The following TMCO5A variants were observed in gnomAD, a reference collection of about 807,000 sequenced individuals.
The protein encoded by TMCO5A is transmembrane and coiled-coil domain-containing protein 5A.
Under a neutral mutation model 42.3 loss-of-function variants are expected in TMCO5A, and 34 were observed. The observed-to-expected ratio is 0.80, with a 90% CI of 0.61 to 1.07. The LOEUF is 1.07. Ranked by LOEUF, TMCO5A falls within the 50% of genes least tolerant of loss-of-function variation. TMCO5A has a pLI of 0.00. For missense variants in TMCO5A, 357 were observed against 327.9 expected (o/e 1.09, Z -0.69); for synonymous variants, 131 against 115.6 (o/e 1.13, Z -0.86).
At chr15:37,955,131 CCAAT>C (rs1164004317), downstream of TMCO5A, among the ~76,000 whole-genome samples, 2 of 151,718 alleles carry the variant, frequency 1.3e-5, no homozygotes, top group Non-Finnish European at 2.9e-5. Context: ...ACTAAACTCT[CCAAT>C]CAAAGGACAT....
chr15:37,960,561 G>A (rs1890398089), intron 11 of TMCO5A, among the ~76,000 whole-genome samples: 1 of 152,086 alleles, frequency 6.6e-6, no homozygotes. Context: ...TGGAATTGCT[G>A]GATCAAATGG....
chr15:38,001,161 T>A, the TMCO5A span, among the ~76,000 whole-genome samples: 1 of 152,074 alleles, frequency 6.6e-6, no homozygotes, highest in Admixed American at 6.5e-5. Context: ...TAATATTTGT[T>A]ATATATATCT....
At chr15:38,026,192 G>A in the TMCO5A span, among the ~76,000 whole-genome samples, 1 of 152,140 alleles carries the variant, frequency 6.6e-6, no homozygotes, top group Non-Finnish European at 1.5e-5. Flanking sequence ...GAAGAAGAAA[G>A]GAAAACGTGG....
chr15:37,957,540 G>A (rs1890321684), intron 11 of TMCO5A, among the ~76,000 whole-genome samples: 1 of 152,154 alleles, frequency 6.6e-6, no homozygotes, highest in South Asian at 2.1e-4. Flanking sequence ...CAAGGGATGT[G>A]AAGGAACTCT....
the TMCO5A span, among the ~76,000 whole-genome samples, chr15:38,001,456 G>C: frequency 7.0e-6 from 1 of 143,254 alleles, no homozygotes; most frequent in African/African-American, 2.6e-5. Context: ...TTTTTTTAAC[G>C]AATTAGCCAC....
At chr15:37,937,921 G>A (rs747608836) in intron 5 of TMCO5A, among the ~76,000 whole-genome samples, 8 of 152,002 alleles carry the variant, frequency 5.3e-5, no homozygotes, top group Admixed American at 1.3e-4. Context: ...AACCCAGTGC[G>A]AATTAGGGGT....
the TMCO5A span, among the ~76,000 whole-genome samples, chr15:37,992,944 C>T: frequency 2.6e-5 from 4 of 152,110 alleles, no homozygotes; most frequent in Non-Finnish European, 4.4e-5. Context: ...ACAACAAACC[C>T]CAATGACATG....
chr15:37,953,385 A>C (rs527392909), downstream of TMCO5A, among the ~76,000 whole-genome samples: 19 of 152,110 alleles, frequency 1.2e-4, no homozygotes, highest in Non-Finnish European at 2.2e-4. Context: ...GATGCCATTC[A>C]TTTGGGGGGA....
At chr15:37,959,439 G>A (rs763084261) in intron 11 of TMCO5A, among the ~76,000 whole-genome samples, 4 of 151,756 alleles carry the variant, frequency 2.6e-5, no homozygotes, top group Non-Finnish European at 5.9e-5. Context: ...GATGAATATT[G>A]GTGCAAAATC....
At chr15:37,981,200 CAAAAAAAAA>C in the TMCO5A span, among the ~76,000 whole-genome samples, 5 of 65,348 alleles carry the variant, frequency 7.7e-5, no homozygotes, top group Middle Eastern at 9.4e-3. Flanking sequence ...AGAAAGCCAG[CAAAAAAAAA>C]AAAAAAAAAA....
chr15:37,970,916 G>A (rs965034131), downstream of TMCO5A, among the ~76,000 whole-genome samples: 36 of 152,178 alleles, frequency 2.4e-4, no homozygotes, highest in African/African-American at 8.4e-4. Context: ...CCCCCCTCCT[G>A]GGTGCTTTCA....
intron 11 of TMCO5A, among the ~76,000 whole-genome samples, chr15:37,961,358 T>G (rs1374213863): frequency 6.6e-6 from 1 of 152,016 alleles, no homozygotes; most frequent in Non-Finnish European, 1.5e-5. Context: ...TATAAGTATT[T>G]GGGTTTATTT....
intron 10 of TMCO5A, 198 bp downstream of exon 10, chr15:37,943,596 T>G (rs1187453458): frequency 5.5e-6 from 3 of 546,686 alleles, no homozygotes. Flanking sequence ...TTCTTCTCAT[T>G]CAGCCATACA....
chr15:37,950,921 G>T, intron 11 of TMCO5A, 115 bp from the exon 12 acceptor site: 1 of 848,026 alleles, frequency 1.2e-6, no homozygotes, highest in African/African-American at 1.7e-5. Context: ...AGGAAAGGGG[G>T]TGATAATCCA....
At chr15:37,995,581 T>A in the TMCO5A span, among the ~76,000 whole-genome samples, 4 of 152,338 alleles carry the variant, frequency 2.6e-5, no homozygotes, top group Middle Eastern at 3.4e-3. Context: ...CAGTGGCTAA[T>A]CCCAAATGTG....
At chr15:38,001,439 T>G in the TMCO5A span, among the ~76,000 whole-genome samples, 1 of 132,000 alleles carries the variant, frequency 7.6e-6, no homozygotes, top group South Asian at 2.1e-4. Flanking sequence ...GGATCTTGTT[T>G]TTTTTTTTTT....
At chr15:37,940,461 G>T (rs544573288) in intron 6 of TMCO5A, among the ~76,000 whole-genome samples, 29 of 152,202 alleles carry the variant, frequency 1.9e-4, no homozygotes, top group Non-Finnish European at 4.1e-4. Flanking sequence ...TTAGACTTTA[G>T]CTCAAGTATC....
chr15:37,959,995 T>C (rs554637636), intron 11 of TMCO5A, among the ~76,000 whole-genome samples: 1 of 152,104 alleles, frequency 6.6e-6, no homozygotes, highest in South Asian at 2.1e-4. Context: ...GGATACAAAA[T>C]CAACATACAA....
chr15:37,969,379 A>T (rs1595614067), downstream of TMCO5A, among the ~76,000 whole-genome samples: 1 of 152,200 alleles, frequency 6.6e-6, no homozygotes, highest in East Asian at 1.9e-4. Flanking sequence ...CTCAGAGAAA[A>T]CCAAACCCTC....
Sources: gnomAD v4.1 joint callset for allele counts (sites outside exome capture counted in the v4.1 genomes callset) on GRCh38, gnomAD v4.1.1 for gene constraint, MANE v1.5 for transcripts, NCBI Gene and HGNC (gene_info 2026-07-23, HGNC 2026-07-21) for gene names.